The following MIPOL1 variants were observed in gnomAD, a reference collection of about 807,000 sequenced individuals.
The protein encoded by MIPOL1 is mirror-image polydactyly 1, also known as mirror-image polydactyly gene 1 protein.
Under a neutral mutation model 60.9 loss-of-function variants are expected in MIPOL1, and 57 were observed. The observed-to-expected ratio is 0.94, with a 90% CI of 0.76 to 1.17. MIPOL1 has a LOEUF of 1.17. MIPOL1 is among the 50% of genes most tolerant of loss of function. The pLI is 0.00. For synonymous variants in MIPOL1, 179 were observed against 168.8 expected, an observed-to-expected ratio of 1.06 and a Z score of -0.47; for missense variants, 551 against 511.6, an observed-to-expected ratio of 1.08 and a Z score of -0.74.
intron 10 of MIPOL1, among the ~76,000 whole-genome samples, chr14:37,372,006 A>C (rs1047946659): frequency 6.6e-6 from 1 of 152,160 alleles, no homozygotes; most frequent in Non-Finnish European, 1.5e-5. Context: ...AGTATCTAAT[A>C]AGTGTCAGGA....
At chr14:37,481,076 G>C (rs2094856092) in intron 11 of MIPOL1, among the ~76,000 whole-genome samples, 1 of 152,144 alleles carries the variant, frequency 6.6e-6, no homozygotes, top group African/African-American at 2.4e-5. Flanking sequence ...AGGAGTACAA[G>C]GTTACAGTGA....
At chr14:37,217,936 C>T (rs1968030267) in intron 1 of MIPOL1, among the ~76,000 whole-genome samples, 1 of 152,134 alleles carries the variant, frequency 6.6e-6, no homozygotes, top group Non-Finnish European at 1.5e-5. Flanking sequence ...TATGGATTTA[C>T]TTTTAAGCAT....
intron 7 of MIPOL1, among the ~76,000 whole-genome samples, chr14:37,296,093 T>C (rs957373857): frequency 6.6e-6 from 1 of 152,116 alleles, no homozygotes; most frequent in Non-Finnish European, 1.5e-5. Flanking sequence ...ACAGAAATTA[T>C]AACAAACTAT....
intron 9 of MIPOL1, among the ~76,000 whole-genome samples, chr14:37,326,238 T>C (rs2089147870): frequency 6.6e-6 from 1 of 152,168 alleles, no homozygotes; most frequent in Non-Finnish European, 1.5e-5. Flanking sequence ...CATTTTGCTA[T>C]TCTGTCAAGC....
intron 10 of MIPOL1, among the ~76,000 whole-genome samples, chr14:37,422,288 C>G (rs2153550608): frequency 6.6e-6 from 1 of 152,068 alleles, no homozygotes; most frequent in East Asian, 1.9e-4. Flanking sequence ...CCGTTCTCCC[C>G]TTTCGGGATT....
Position 37,458,847 on chromosome 14 carries a change from CAATAAATAAATA to C in MIPOL1, c.1031+35927_1031+35938del, listed in dbSNP as rs56046205. On this transcript the variant is annotated intron_variant, in intron 11 of 12. Coordinates refer to ENST00000684589, the MANE Select transcript of MIPOL1 (RefSeq NM_001388067.1). ...AGCCTGGGCAACAGAGAGAGACTGTCAATAAATAAATAAATAAATAAATAAATAAATAAATAA... is the reference window on the plus strand; with the variant it reads ...AGCCTGGGCAACAGAGAGAGACTGTCAATAAATAAATAAATAAATAAATAA... Among the ~76,000 whole-genome samples the C allele has an allele frequency of 3.5e-3, 502 of 145,066 alleles. 1 individual carries two copies. Among genetic ancestry groups the C allele is most frequent in the African/African-American group, 4.9e-3 (191 of 39,290 alleles).
chr14:37,308,281 T>C (rs2086962604), intron 8 of MIPOL1, 68 bp from the exon 9 acceptor site: 11 of 1,344,584 alleles, frequency 8.2e-6, no homozygotes, highest in Non-Finnish European at 1.0e-5. Flanking sequence ...TGCCTATTAA[T>C]TAAAACCCTA....
intron 3 of MIPOL1, among the ~76,000 whole-genome samples, chr14:37,251,572 A>T (rs916607501): frequency 1.3e-5 from 2 of 151,918 alleles, no homozygotes; most frequent in Non-Finnish European, 2.9e-5. Flanking sequence ...AAAGGAAAAA[A>T]TGAAATGTCA....
At chr14:37,325,720 A>C (rs1055630471) in intron 9 of MIPOL1, among the ~76,000 whole-genome samples, 1 of 152,136 alleles carries the variant, frequency 6.6e-6, no homozygotes, top group African/African-American at 2.4e-5. Flanking sequence ...AGGAATAGAT[A>C]TATGACATGA....
chr14:37,204,602 C>A (rs34403654), intron 1 of MIPOL1, among the ~76,000 whole-genome samples: 1,877 of 152,158 alleles, frequency 0.012, 19 homozygotes, highest in Non-Finnish European at 0.016. Flanking sequence ...TGAGATGTGC[C>A]TTTCACCTTT....
chr14:37,344,808 C>A (rs893726863), intron 9 of MIPOL1, among the ~76,000 whole-genome samples: 1 of 152,040 alleles, frequency 6.6e-6, no homozygotes, highest in Non-Finnish European at 1.5e-5. Context: ...GGCAGGAAGA[C>A]TGCTTGAGGC....
chr14:37,204,509 A>G (rs1213396344), intron 1 of MIPOL1, among the ~76,000 whole-genome samples: 3 of 152,060 alleles, frequency 2.0e-5, no homozygotes, highest in Non-Finnish European at 4.4e-5. Context: ...TTCTCATGGT[A>G]GTGAATAAGT....
chr14:37,361,514 G>T (rs2092239727), intron 9 of MIPOL1, among the ~76,000 whole-genome samples: 1 of 150,250 alleles, frequency 6.7e-6, no homozygotes, highest in South Asian at 2.1e-4. Context: ...GGGTGTTCCT[G>T]TATTGGGTGC....
chr14:37,200,881 TGTGTGTGTGTGTGTGTGTA>T (rs1224486688), intron 1 of MIPOL1, among the ~76,000 whole-genome samples: 4 of 107,226 alleles, frequency 3.7e-5, no homozygotes, highest in East Asian at 2.5e-4. Flanking sequence ...TGTGTGTGTG[TGTGTGTGTGTGTGTGTGTA>T]TTTTTTTTTT....
At chr14:37,335,728 T>G (rs2090056034) in intron 9 of MIPOL1, among the ~76,000 whole-genome samples, 1 of 152,154 alleles carries the variant, frequency 6.6e-6, no homozygotes, top group South Asian at 2.1e-4. Flanking sequence ...ATATTTTCAT[T>G]GGAGAAATAT....
intron 10 of MIPOL1, among the ~76,000 whole-genome samples, chr14:37,390,497 T>C (rs1451135637): frequency 6.6e-6 from 1 of 151,980 alleles, no homozygotes; most frequent in African/African-American, 2.4e-5. Flanking sequence ...ATATTGGCAT[T>C]AGATGACAGG....
At chr14:37,395,412 T>C (rs2093352544) in intron 10 of MIPOL1, among the ~76,000 whole-genome samples, 1 of 152,182 alleles carries the variant, frequency 6.6e-6, no homozygotes. Context: ...GTTTGTGTCA[T>C]CTATGATTTC....
At chr14:37,371,483 T>G (rs1161230518) in intron 10 of MIPOL1, among the ~76,000 whole-genome samples, 1 of 152,122 alleles carries the variant, frequency 6.6e-6, no homozygotes, top group Non-Finnish European at 1.5e-5. Flanking sequence ...TGCTCATTTT[T>G]TTTTGCAAAA....
At chr14:37,505,815 G>T (rs1053722323) in intron 12 of MIPOL1, 2 of 152,178 alleles carry the variant, frequency 1.3e-5, no homozygotes, top group East Asian at 1.9e-4. Flanking sequence ...AAGTCAAATT[G>T]TCCCTGTTTG....
Sources: gnomAD v4.1 joint callset for allele counts (sites outside exome capture counted in the v4.1 genomes callset) on GRCh38, gnomAD v4.1.1 for gene constraint, MANE v1.5 for transcripts, NCBI Gene and HGNC (gene_info 2026-07-23, HGNC 2026-07-21) for gene names.